Variants in ATP6V1H observed in about 807,000 individuals in gnomAD.
The protein encoded by ATP6V1H is ATPase H+ transporting V1 subunit H, also known as V-type proton ATPase subunit H.
A neutral mutation model predicts 71.7 loss-of-function variants in ATP6V1H; 39 were observed. The observed-to-expected ratio is 0.54, with a 90% CI of 0.42 to 0.71. The LOEUF is 0.71. ATP6V1H is among the 30% of genes least tolerant of loss of function. The probability of loss-of-function intolerance (pLI) is 0.00; values close to 1 mark genes in which losing one functional copy is unlikely to be tolerated. For missense variants in ATP6V1H, 509 were observed against 594.9 expected (o/e 0.86, Z 1.50); for synonymous variants, 192 against 199.3 (o/e 0.96, Z 0.31).
intron 9 of ATP6V1H, among the ~76,000 whole-genome samples, chr8:53,778,376 A>T (rs1808968265): frequency 6.6e-6 from 1 of 152,168 alleles, no homozygotes; most frequent in African/African-American, 2.4e-5. Context: ...TCTGAAATAT[A>T]CAGTAGATTA....
chr8:53,835,578 T>C (rs760245933), intron 2 of ATP6V1H, among the ~76,000 whole-genome samples: 56 of 152,244 alleles, frequency 3.7e-4, no homozygotes, highest in African/African-American at 1.3e-3. Flanking sequence ...ATAGTTCAAA[T>C]TTGCTTCTGG....
intron 12 of ATP6V1H, among the ~76,000 whole-genome samples, chr8:53,751,945 G>A (rs1807813771): frequency 1.3e-5 from 2 of 152,188 alleles, no homozygotes; most frequent in Non-Finnish European, 2.9e-5. Flanking sequence ...TGGGATTACA[G>A]GTGTGAGCCA....
At chr8:53,747,302 T>C (rs1230102067) in intron 12 of ATP6V1H, among the ~76,000 whole-genome samples, 3 of 151,408 alleles carry the variant, frequency 2.0e-5, no homozygotes, top group Admixed American at 2.0e-4. Flanking sequence ...AAAGTCAATA[T>C]TTTTTAATCT....
chr8:53,771,349 A>C (rs1003087266), intron 10 of ATP6V1H, among the ~76,000 whole-genome samples: 6 of 152,204 alleles, frequency 3.9e-5, no homozygotes, highest in Non-Finnish European at 8.8e-5. Flanking sequence ...TTAATGGAAA[A>C]GATCATCAAG....
chr8:53,777,835 A>C (rs1444390638), intron 9 of ATP6V1H, among the ~76,000 whole-genome samples: 2 of 152,230 alleles, frequency 1.3e-5, no homozygotes, highest in African/African-American at 4.8e-5. Flanking sequence ...GGGCTAAAGA[A>C]AATTCTGCAG....
At chr8:53,780,865 T>A (rs1809096277) in intron 9 of ATP6V1H, among the ~76,000 whole-genome samples, 1 of 152,210 alleles carries the variant, frequency 6.6e-6, no homozygotes, top group South Asian at 2.1e-4. Context: ...ACAAAGGACA[T>A]GAACTCATCA....
chr8:53,729,318 A>G (rs1462707551), intron 13 of ATP6V1H, among the ~76,000 whole-genome samples: 1 of 152,200 alleles, frequency 6.6e-6, no homozygotes, highest in Non-Finnish European at 1.5e-5. Context: ...TGCACTGGTT[A>G]CCAACTTGGC....
Position 53,801,888 on chromosome 8 carries a change from C to T in ATP6V1H, c.588G>A (p.Gln196=). ...AACACCCGGCCACGCACTGCACATACTGCGAACTCTGCACAAGAAGAAGTG... is the reference window on the plus strand; with the variant it reads ...AACACCCGGCCACGCACTGCACATATTGCGAACTCTGCACAAGAAGAAGTG... ...TGTVSSSDSS[Q]YVQCVAGCLQ... is the part of the protein sequence containing the mutation. Residue 196 remains glutamine (Q), a synonymous_variant, in exon 8 of 14, where the codon CAG becomes CAA. Transcript: ENST00000359530. The T allele has an allele frequency of 1.9e-6, 3 of 1,613,422 alleles. No individual in the cohort carries two copies. Among genetic ancestry groups the T allele is most frequent in the African/African-American group, 1.3e-5 (1 of 75,022 alleles).
At chr8:53,841,548 G>T (rs755407350) in intron 2 of ATP6V1H, 30 bp downstream of exon 2, 2 of 1,610,892 alleles carry the variant, frequency 1.2e-6, no homozygotes, top group African/African-American at 1.3e-5. Context: ...GCATATGACT[G>T]TCCATGATTC....
chr8:53,820,811 GTCT>G (rs1275336208), intron 4 of ATP6V1H, among the ~76,000 whole-genome samples: 1 of 151,348 alleles, frequency 6.6e-6, no homozygotes, highest in Non-Finnish European at 1.5e-5. Flanking sequence ...ATGAAACCCT[GTCT>G]CTACTAAAAA....
intron 12 of ATP6V1H, among the ~76,000 whole-genome samples, chr8:53,751,145 C>T (rs574938142): frequency 1.5e-4 from 23 of 152,028 alleles, no homozygotes; most frequent in Non-Finnish European, 3.2e-4. Flanking sequence ...CATTGGTGTC[C>T]GTGTTGCTAA....
chr8:53,726,061 T>G (rs988223325), intron 13 of ATP6V1H, among the ~76,000 whole-genome samples: 1 of 149,322 alleles, frequency 6.7e-6, no homozygotes, highest in East Asian at 2.4e-4. Flanking sequence ...ATTATTCCAT[T>G]AAAAACATTA....
At chr8:53,723,801 G>A (rs1399460539) in intron 13 of ATP6V1H, among the ~76,000 whole-genome samples, 1 of 152,172 alleles carries the variant, frequency 6.6e-6, no homozygotes, top group Non-Finnish European at 1.5e-5. Flanking sequence ...GGGTCACAAC[G>A]CAGTATGTGC....
At chr8:53,798,688 T>C (rs992534843) in intron 8 of ATP6V1H, among the ~76,000 whole-genome samples, 1 of 152,022 alleles carries the variant, frequency 6.6e-6, no homozygotes, top group Non-Finnish European at 1.5e-5. Context: ...TACATATTTC[T>C]GAAAAAATGA....
intron 13 of ATP6V1H, among the ~76,000 whole-genome samples, chr8:53,729,237 G>GA (rs1806930571): frequency 6.6e-6 from 1 of 152,026 alleles, no homozygotes; most frequent in African/African-American, 2.4e-5. Context: ...AAATTAGGAT[G>GA]ACCAGACCAG....
At chr8:53,765,114 C>T (rs1171508319) in intron 11 of ATP6V1H, among the ~76,000 whole-genome samples, 1 of 151,740 alleles carries the variant, frequency 6.6e-6, no homozygotes, top group African/African-American at 2.4e-5. Context: ...CTTAAAAAGG[C>T]GGGGGAAGGC....
At chr8:53,821,981 C>T (rs189471171) in intron 4 of ATP6V1H, among the ~76,000 whole-genome samples, 1 of 151,926 alleles carries the variant, frequency 6.6e-6, no homozygotes, top group East Asian at 1.9e-4. Context: ...GAAATCTGCC[C>T]CTAATAAAGG....
Position 53,767,504 on chromosome 8 carries a change from TTAAA to T in ATP6V1H, c.1175+2110_1175+2113del, listed in dbSNP as rs1285869729. 2.6e-5 allele frequency among the ~76,000 whole-genome samples: 4 copies of T among 152,174 alleles called. 1 individual carries two copies. The highest frequency in any genetic ancestry group is 2.0e-4 in the Admixed American group (3 of 15,280). On this transcript the variant is annotated intron_variant, in intron 11 of 13. Coordinates refer to ENST00000359530, the MANE Select transcript of ATP6V1H (RefSeq NM_015941.4). ...AAAATATCTACCAATTAGAGACTCA[TTAAA>T]TAAAGATACACTCTTTTTTTTTATA...
intron 11 of ATP6V1H, among the ~76,000 whole-genome samples, chr8:53,767,445 C>T (rs1414257037): frequency 6.6e-6 from 1 of 152,174 alleles, no homozygotes; most frequent in Non-Finnish European, 1.5e-5. Context: ...GTAATTCTCA[C>T]ACTGTGTGTG....
Sources: gnomAD v4.1 joint callset for allele counts (sites outside exome capture counted in the v4.1 genomes callset) on GRCh38, gnomAD v4.1.1 for gene constraint, MANE v1.5 for transcripts, NCBI Gene and HGNC (gene_info 2026-07-23, HGNC 2026-07-21) for gene names.